The following COG5 variants were observed in gnomAD, a reference collection of about 807,000 sequenced individuals.
The protein encoded by COG5 is component of oligomeric golgi complex 5, also known as conserved oligomeric Golgi complex subunit 5.
In COG5, 86 loss-of-function variants were observed where a neutral mutation model predicts 110.4. The ratio of observed to expected loss-of-function variants is 0.78; its 90% CI spans 0.65 to 0.93. The LOEUF (loss-of-function observed/expected upper bound fraction) is 0.93. Among genes scored for constraint, COG5 ranks in the 40% least tolerant of loss-of-function variants. COG5 has a pLI of 0.00. For synonymous variants in COG5, 360 were observed against 334.6 expected (o/e 1.08, Z -0.83); for missense variants, 1,077 against 987.0 (o/e 1.09, Z -1.22).
intron 13 of COG5, among the ~76,000 whole-genome samples, chr7:107,281,781 T>G (rs568357829): frequency 6.6e-6 from 1 of 152,260 alleles, no homozygotes; most frequent in East Asian, 1.9e-4. Context: ...ATGATGACCT[T>G]AAAGGGACAT....
At chr7:107,218,027 A>G (rs546873616) in intron 19 of COG5, among the ~76,000 whole-genome samples, 2 of 152,246 alleles carry the variant, frequency 1.3e-5, no homozygotes, top group South Asian at 4.1e-4. Flanking sequence ...TACAAAATTA[A>G]GACAAATCTA....
At chr7:107,400,850 A>G (rs1791371932) in intron 7 of COG5, among the ~76,000 whole-genome samples, 1 of 152,226 alleles carries the variant, frequency 6.6e-6, no homozygotes, top group African/African-American at 2.4e-5. Flanking sequence ...AAACTAGAAT[A>G]AAAGTCATAC....
At chr7:107,492,435 T>C (rs1284938758) in intron 6 of COG5, among the ~76,000 whole-genome samples, 1 of 152,110 alleles carries the variant, frequency 6.6e-6, no homozygotes, top group African/African-American at 2.4e-5. Flanking sequence ...CAGGTCACAA[T>C]AAGCTAAAAC....
At chr7:107,395,541 CTTTTTTTTTTTT>C (rs67581814) in intron 7 of COG5, among the ~76,000 whole-genome samples, 21 of 50,042 alleles carry the variant, frequency 4.2e-4, no homozygotes, top group South Asian at 2.3e-3. Flanking sequence ...TGAAGCAGAT[CTTTTTTTTTTTT>C]TTTTTTTTTT....
intron 10 of COG5, among the ~76,000 whole-genome samples, chr7:107,332,239 C>G (rs1329659802): frequency 6.6e-6 from 1 of 152,136 alleles, no homozygotes; most frequent in Non-Finnish European, 1.5e-5. Context: ...CCTGTGCGAG[C>G]TTTTCCATAT....
intron 7 of COG5, among the ~76,000 whole-genome samples, chr7:107,380,327 A>AG (rs759524154): frequency 1.3e-5 from 2 of 152,238 alleles, no homozygotes; most frequent in Non-Finnish European, 2.9e-5. Flanking sequence ...GCAGAACTGA[A>AG]GGAGATACAG....
intron 6 of COG5, among the ~76,000 whole-genome samples, chr7:107,508,343 C>A (rs1480833515): frequency 6.6e-6 from 1 of 152,214 alleles, no homozygotes; most frequent in Non-Finnish European, 1.5e-5. Context: ...GGGGCGCCTG[C>A]CATTGCCCAG....
intron 10 of COG5, among the ~76,000 whole-genome samples, chr7:107,346,501 T>A (rs1811615509): frequency 6.6e-6 from 1 of 152,182 alleles, no homozygotes; most frequent in Non-Finnish European, 1.5e-5. Context: ...TTATTAGATA[T>A]TACTTTTCTC....
At chr7:107,321,269 A>G (rs1809246488) in intron 11 of COG5, among the ~76,000 whole-genome samples, 1 of 152,218 alleles carries the variant, frequency 6.6e-6, no homozygotes, top group African/African-American at 2.4e-5. Flanking sequence ...GATTTGTTAG[A>G]ACTGCATGCT....
chr7:107,507,606 G>A (rs559803870), intron 6 of COG5, among the ~76,000 whole-genome samples: 25 of 151,386 alleles, frequency 1.7e-4, no homozygotes, highest in East Asian at 5.8e-4. Flanking sequence ...ACACCCGGCC[G>A]AAATAAAACT....
chr7:107,288,929 T>C (rs1377384755), intron 12 of COG5, among the ~76,000 whole-genome samples: 1 of 66,830 alleles, frequency 1.5e-5, no homozygotes, highest in African/African-American at 8.9e-5. Context: ...TATATATATA[T>C]ATATATATAT....
chr7:107,500,291 C>T (rs544837051), intron 6 of COG5, among the ~76,000 whole-genome samples: 1 of 152,136 alleles, frequency 6.6e-6, no homozygotes, highest in African/African-American at 2.4e-5. Context: ...CCTCAAGAAG[C>T]GACTCTGGAT....
chr7:107,214,959 C>T (rs933800445), intron 19 of COG5, among the ~76,000 whole-genome samples: 1 of 151,372 alleles, frequency 6.6e-6, no homozygotes, highest in African/African-American at 2.4e-5. Context: ...AAAGTATAGC[C>T]CAAATTAGGG....
chr7:107,540,739 C>T (rs1211990647), intron 5 of COG5, among the ~76,000 whole-genome samples: 1 of 151,016 alleles, frequency 6.6e-6, no homozygotes, highest in Non-Finnish European at 1.5e-5. Flanking sequence ...TTCTAATATC[C>T]AATAAAAAAT....
At chr7:107,221,250 C>T (rs1428942647) in intron 19 of COG5, among the ~76,000 whole-genome samples, 1 of 151,772 alleles carries the variant, frequency 6.6e-6, no homozygotes, top group Non-Finnish European at 1.5e-5. Flanking sequence ...CATCTTGAAC[C>T]CTAGTTTACG....
At chr7:107,272,781 C>A (rs1418178767) in intron 14 of COG5, among the ~76,000 whole-genome samples, 1 of 152,102 alleles carries the variant, frequency 6.6e-6, no homozygotes, top group Non-Finnish European at 1.5e-5. Flanking sequence ...CAGCGAGAAT[C>A]TTTCCATGTC....
chr7:107,341,369 T>C (rs932849659), intron 10 of COG5, among the ~76,000 whole-genome samples: 4 of 151,972 alleles, frequency 2.6e-5, no homozygotes, highest in Non-Finnish European at 1.5e-5. Flanking sequence ...CTGAAAGAAA[T>C]CATAGATGAC....
In COG5 at chr7:107,203,205, CTTTGGG is replaced by C. The variant is rs1357244913; in HGVS notation, c.*305_*310del. On this transcript the variant is annotated 3_prime_UTR_variant, in exon 22 of 22. Transcript: ENST00000297135. ...CATATCCCTTTAAAAGAAGTGGGGACTTTGGGTTTATGTACCCATAGGAGGACTTGG... is the reference window on the plus strand; with the variant it reads ...CATATCCCTTTAAAAGAAGTGGGGACTTTATGTACCCATAGGAGGACTTGG... 1 of 386,118 alleles carries C rather than the reference CTTTGGG, an allele frequency of 2.6e-6. No individual in the cohort carries two copies. The highest frequency in any genetic ancestry group is 5.9e-5 in the East Asian group (1 of 16,824). 23.9% of individuals were successfully genotyped at this position (386,118 alleles called of 1,614,324 possible).
At chr7:107,410,847 G>A (rs769779719) in intron 7 of COG5, among the ~76,000 whole-genome samples, 7 of 152,106 alleles carry the variant, frequency 4.6e-5, no homozygotes, top group Non-Finnish European at 7.4e-5. Context: ...AAGAGACACT[G>A]GAGACTTAGA....
Sources: gnomAD v4.1 joint callset for allele counts (sites outside exome capture counted in the v4.1 genomes callset) on GRCh38, gnomAD v4.1.1 for gene constraint, MANE v1.5 for transcripts, NCBI Gene and HGNC (gene_info 2026-07-23, HGNC 2026-07-21) for gene names.